SYNM: variants seen among roughly 807,000 people sequenced by gnomAD.
SYNM encodes desmuslin.
Under a neutral mutation model 104.0 loss-of-function variants are expected in SYNM, and 95 were observed. The observed-to-expected ratio is 0.91, with a 90% confidence interval of 0.77 to 1.08. SYNM has a LOEUF of 1.08. SYNM is among the 50% of genes least tolerant of loss of function. The probability of loss-of-function intolerance (pLI) is 0.00; values close to 1 mark genes in which losing one functional copy is unlikely to be tolerated. For synonymous variants in SYNM, 918 were observed against 869.0 expected (o/e 1.06, Z -0.99); for missense variants, 2,150 against 2,052.2 (o/e 1.05, Z -0.92).
At chr15:99,119,207 C>T (rs1426331922) in intron 2 of SYNM, among the ~76,000 whole-genome samples, 1 of 152,214 alleles carries the variant, frequency 6.6e-6, no homozygotes, top group East Asian at 1.9e-4. Context: ...GGAACCGGCA[C>T]AGTGGTTTCA....
chr15:99,127,479 G>A (rs1488260451), intron 3 of SYNM, among the ~76,000 whole-genome samples: 1 of 152,182 alleles, frequency 6.6e-6, no homozygotes, highest in African/African-American at 2.4e-5. Context: ...CTAAGCAAGT[G>A]TCGATTAAAT....
chr15:99,110,437 A>G (rs782054228), intron 1 of SYNM, among the ~76,000 whole-genome samples: 2 of 152,216 alleles, frequency 1.3e-5, no homozygotes, highest in African/African-American at 2.4e-5. Flanking sequence ...TTACACACCC[A>G]CCTGGAATTG....
chr15:99,106,007 C>T lies in SYNM; in HGVS notation c.808C>T (p.Gln270Ter). 6.9e-7 allele frequency: 1 copy of T among 1,454,910 alleles called. No individual in the cohort carries two copies. The highest frequency in any genetic ancestry group is 9.0e-7 in the Non-Finnish European group (1 of 1,108,930). 90.1% of individuals were successfully genotyped at this position (1,454,910 alleles called of 1,614,324 possible). Residue 270 changes from glutamine to a stop codon, truncating the protein, a stop_gained and splice_region_variant, in exon 1 of 4, where the codon CAG becomes TAG. Coordinates refer to ENST00000336292, the MANE Select transcript of SYNM (RefSeq NM_145728.3). LOFTEE classifies it high-confidence loss of function. The part of the protein sequence containing the change: ...EEYGIQAEER[Q>*]RVIDCLEDEK... The stretch of plus-strand genomic sequence containing the variant: ...GTACGGGATACAGGCCGAGGAGCGG[C>T]AGGTCCGTGCGCGGGGATGGCGCGC...
Position 99,123,534 on chromosome 15 carries a change from G to T in SYNM, c.936-3188G>T, listed in dbSNP as rs148132162. Among the ~76,000 whole-genome samples, 1,288 of 152,296 alleles carry T rather than the reference G, an allele frequency of 8.5e-3. 18 individuals are homozygous for T. The highest frequency in any genetic ancestry group is 0.03 in the African/African-American group (1,228 of 41,558). On this transcript the variant is annotated intron_variant, in intron 2 of 3. Coordinates refer to ENST00000336292, the MANE Select transcript of SYNM (RefSeq NM_145728.3). ...CTGTTCCCTGGTCTTCCCGGTGACT[G>T]ACCAGCCACGGGCCCGCATCTGGGG...
downstream of SYNM, chr15:99,138,989 G>C (rs1325622515): frequency 9.8e-6 from 4 of 407,226 alleles, no homozygotes; most frequent in African/African-American, 2.1e-5. Flanking sequence ...CGAGGGCAGA[G>C]GGAAGCCGGA....
chr15:99,130,567 G>A lies in SYNM; in HGVS notation c.2207G>A (p.Gly736Glu). ...GACATCATCAACCTCGGCCTGAAAG[G>A]GAGGGAGGGGAGAGCAAAGGTCGTC... ...IGDIINLGLK[G>E]REGRAKVVNV... The change falls in exon 4 of 4, where the codon GGG becomes GAG. Residue 736 changes from glycine (G) to glutamate (E), a missense_variant. Transcript: ENST00000336292. 6 of 1,613,836 alleles carry A rather than the reference G, an allele frequency of 3.7e-6. No individual in the cohort carries two copies. Among genetic ancestry groups the A allele is most frequent in the Non-Finnish European group, 5.1e-6 (6 of 1,179,828 alleles).
Position 99,131,880 on chromosome 15 carries a change from G to A in SYNM, c.3520G>A (p.Val1174Ile). Residue 1174 changes from valine to isoleucine, a missense_variant, in exon 4 of 4, where the codon GTC becomes ATC. By Grantham distance (29) the Val-to-Ile change is conservative (BLOSUM62 3). Coordinates refer to ENST00000336292, the MANE Select transcript of SYNM (RefSeq NM_145728.3). The surrounding 1 kb of genome is among the most constrained non-coding windows in gnomAD (Gnocchi z 4.3). The part of the protein sequence containing the change: ...PTGASRSVRH[V>I]TLGPGQSPLS... Reference sequence around the variant, plus strand: ...CGGAGCCAGCCGGTCTGTGAGGCATGTCACGCTGGGTCCCGGTCAAAGTCC... The same window carrying A: ...CGGAGCCAGCCGGTCTGTGAGGCATATCACGCTGGGTCCCGGTCAAAGTCC... The A allele has an allele frequency of 6.2e-7, 1 of 1,613,984 alleles. No homozygotes were observed. Among genetic ancestry groups the A allele is most frequent in the Non-Finnish European group, 8.5e-7 (1 of 1,179,900 alleles).
chr15:99,119,793 G>T (rs538233980), intron 2 of SYNM, among the ~76,000 whole-genome samples: 27 of 152,322 alleles, frequency 1.8e-4, no homozygotes, highest in African/African-American at 6.3e-4. Context: ...CCAACATTTT[G>T]TTATGAGAAT....
intron 1 of SYNM, among the ~76,000 whole-genome samples, chr15:99,113,329 A>G (rs1248841289): frequency 2.0e-5 from 3 of 152,232 alleles, no homozygotes; most frequent in African/African-American, 7.2e-5. Flanking sequence ...ACTCCTAAGC[A>G]TTCATTATTA....
rs1273658807 is a variant in SYNM, at chr15:99,134,348, G to A, written c.*1290G>A. The A allele has an allele frequency of 2.6e-5, 4 of 151,778 alleles. No homozygotes were observed. Among genetic ancestry groups the A allele is most frequent in the South Asian group, 2.1e-4 (1 of 4,810 alleles). The allele number at this position is 151,778 out of a possible 1,614,324, so 9.4% of individuals were successfully genotyped here. A position where few individuals can be genotyped will look rare whatever the true frequency, so the allele number is the denominator to read the frequency against. On this transcript the variant is annotated 3_prime_UTR_variant, in exon 4 of 4. Coordinates refer to ENST00000336292, the MANE Select transcript of SYNM (RefSeq NM_145728.3). ...TGTGGACCTGTAGATAGGCACCACC[G>A]AGTTTAAGATACTGGGATGAGCATG... is the stretch of plus-strand genomic sequence containing the variant.
intron 2 of SYNM, among the ~76,000 whole-genome samples, chr15:99,117,797 C>T (rs941646970): frequency 2.1e-5 from 3 of 141,080 alleles, no homozygotes; most frequent in Non-Finnish European, 4.7e-5. Context: ...TCACAAGCCA[C>T]GGGCCCAGCT....
chr15:99,108,819 G>C (rs2067273455), intron 1 of SYNM, among the ~76,000 whole-genome samples: 1 of 152,198 alleles, frequency 6.6e-6, no homozygotes, highest in African/African-American at 2.4e-5. Context: ...TTTGATCAGA[G>C]AGAAACCTTT....
In SYNM at chr15:99,135,217, C is replaced by T. The variant is rs891197474; in HGVS notation, c.*2159C>T. On this transcript the variant is annotated 3_prime_UTR_variant, in exon 4 of 4. Transcript: ENST00000336292. The stretch of plus-strand genomic sequence containing the variant: ...AGAAGTATTCTGCCAAAAGTATTTA[C>T]AAGTATGGACTCATGAGCTATTGTT... 1.3e-5 allele frequency: 2 copies of T among 152,632 alleles called. No individual in the cohort carries two copies. Among genetic ancestry groups the T allele is most frequent in the Admixed American group, 6.5e-5 (1 of 15,284 alleles). 9.5% of individuals were successfully genotyped at this position (152,632 alleles called of 1,614,324 possible).
chr15:99,105,489 G>A lies in SYNM; in HGVS notation c.290G>A (p.Arg97His), dbSNP rs2067224115. Residue 97 changes from arginine to histidine, a missense_variant, in exon 1 of 4, where the codon CGC (arginine) becomes CAC (histidine). By Grantham distance (29) the Arg-to-His change is conservative. Coordinates refer to ENST00000336292, the MANE Select transcript of SYNM (RefSeq NM_145728.3). ...ALRRELRELQRLDAEERAARG... is the reference protein window; with the variant it reads ...ALRRELRELQHLDAEERAARG... ...CGGCGCGAGCTGCGGGAGCTGCAGCGCCTGGATGCGGAGGAGCGCGCCGCC... is the reference window on the plus strand; with the variant it reads ...CGGCGCGAGCTGCGGGAGCTGCAGCACCTGGATGCGGAGGAGCGCGCCGCC... 7.5e-7 allele frequency: 1 copy of A among 1,341,670 alleles called. No homozygotes were observed. Among genetic ancestry groups the A allele is most frequent in the Non-Finnish European group, 9.5e-7 (1 of 1,050,952 alleles). The allele number at this position is 1,341,670 out of a possible 1,614,324, so 83.1% of individuals were successfully genotyped here. A position where few individuals can be genotyped will look rare whatever the true frequency, so the allele number is the denominator to read the frequency against.
At chr15:99,123,921 CGGGTGGCCCATTA>C (rs1567280201) in intron 2 of SYNM, among the ~76,000 whole-genome samples, 1 of 152,270 alleles carries the variant, frequency 6.6e-6, no homozygotes, top group Non-Finnish European at 1.5e-5. Context: ...CTCAGGACGC[CGGGTGGCCCATTA>C]GGGCCTGGCG....
Position 99,105,306 on chromosome 15 carries a change from A to C in SYNM, c.107A>C (p.Asn36Thr). ...CGGGTGCGGGAGCTGGAGCGCGAAA[A>C]CCTACTCCTGGAGGAGGAGCTGCGC... ...VCRVRELERE[N>T]LLLEEELRGR... The change falls in exon 1 of 4, where the codon AAC (asparagine) becomes ACC (threonine). Residue 36 changes from asparagine (N) to threonine (T), a missense_variant. By Grantham distance (65) the Asn-to-Thr change is moderately conservative. Transcript: ENST00000336292. 2 of 1,547,508 alleles carry C rather than the reference A, an allele frequency of 1.3e-6. No homozygotes were observed. The highest frequency in any genetic ancestry group is 1.7e-6 in the Non-Finnish European group (2 of 1,147,368).
chr15:99,116,708 C>T (rs1257560550), intron 2 of SYNM, among the ~76,000 whole-genome samples: 3 of 142,300 alleles, frequency 2.1e-5, no homozygotes, highest in African/African-American at 7.5e-5. Context: ...CACTCTGTCA[C>T]CCAGGCTGGA....
rs766391196 is a variant in SYNM, at chr15:99,131,463, G to A, written c.3103G>A (p.Val1035Ile). 6.2e-7 allele frequency: 1 copy of A among 1,606,756 alleles called. No individual in the cohort carries two copies. The highest frequency in any genetic ancestry group is 8.5e-7 in the Non-Finnish European group (1 of 1,179,300). The change falls in exon 4 of 4, where the codon GTT becomes ATT. Residue 1035 changes from valine (V) to isoleucine (I), a missense_variant. By Grantham distance (29) the Val-to-Ile change is conservative. Transcript: ENST00000336292. This position sits in a 1 kb window ranked among gnomAD's most constrained non-coding sequence, Gnocchi z 4.3. ...SEMEKAVESV[V>I]RESLSRQRSP... ...GATGGAGAAGGCTGTGGAGTCGGTG[G>A]TTCGGGAGAGCCTGAGCAGGCAACG...
chr15:99,131,111 T>C lies in SYNM; in HGVS notation c.2751T>C (p.His917=), dbSNP rs782031441. 3 of 1,602,286 alleles carry C rather than the reference T, an allele frequency of 1.9e-6. No homozygotes were observed. Among genetic ancestry groups the C allele is most frequent in the Non-Finnish European group, 1.7e-6 (2 of 1,174,266 alleles). Residue 917 remains histidine (H), a synonymous_variant, in exon 4 of 4, where the codon CAT becomes CAC. Coordinates refer to ENST00000336292, the MANE Select transcript of SYNM (RefSeq NM_145728.3). The surrounding 1 kb of genome is among the most constrained non-coding windows in gnomAD (Gnocchi z 4.3). ...AACAAGCTAGAAGCGGTGAATTTCA[T>C]GCCGAACCCACAGTCATTGAAAAAG... The part of the protein sequence containing the change: ...WKEQARSGEF[H]AEPTVIEKEI...
Sources: gnomAD v4.1 joint callset for allele counts (sites outside exome capture counted in the v4.1 genomes callset) on GRCh38, gnomAD v4.1.1 for gene constraint, Gnocchi (gnomAD v3.1) non-coding constraint, MANE v1.5 for transcripts, NCBI Gene and HGNC (gene_info 2026-07-23, HGNC 2026-07-21) for gene names.